GRIN2B: variants seen among roughly 807,000 people sequenced by gnomAD.
The protein encoded by GRIN2B is glutamate receptor ionotropic, NMDA 2B.
In GRIN2B, 5 loss-of-function variants were observed where a neutral mutation model predicts 114.5. The ratio of observed to expected loss-of-function variants is 0.04; its 90% CI spans 0.02 to 0.09. The LOEUF is 0.09. Ranked by LOEUF, GRIN2B falls within the 10% of genes least tolerant of loss-of-function variation. GRIN2B has a pLI of 1.00. For missense variants in GRIN2B, 1,108 were observed against 1,943.5 expected (o/e 0.57, Z 8.08); for synonymous variants, 787 against 745.1 (o/e 1.06, Z -0.92).
chr12:13,771,990 A>T (rs906795566), intron 3 of GRIN2B, among the ~76,000 whole-genome samples: 1 of 152,192 alleles, frequency 6.6e-6, no homozygotes, highest in Admixed American at 6.5e-5. Flanking sequence ...TTTTCCCATG[A>T]CTTTAGGTCA....
intron 2 of GRIN2B, among the ~76,000 whole-genome samples, chr12:13,901,062 C>T (rs1382891855): frequency 1.3e-5 from 2 of 152,106 alleles, no homozygotes; most frequent in Non-Finnish European, 2.9e-5. Context: ...TAACGCCAAA[C>T]AATTTTTTCA....
At chr12:13,872,663 G>A (rs1244913909) in intron 2 of GRIN2B, among the ~76,000 whole-genome samples, 4 of 152,006 alleles carry the variant, frequency 2.6e-5, no homozygotes, top group Non-Finnish European at 1.5e-5. Context: ...TTGACTAAGG[G>A]AAATATATAT....
At chr12:13,794,871 G>A (rs1565540010) in intron 3 of GRIN2B, among the ~76,000 whole-genome samples, 1 of 152,214 alleles carries the variant, frequency 6.6e-6, no homozygotes, top group Non-Finnish European at 1.5e-5. Context: ...ATTGTCCTGG[G>A]CATCGAAGCC....
In GRIN2B at chr12:13,549,491, C is replaced by T. The variant is rs1308728069; in HGVS notation, c.*13292G>A. ...GTTTGAACTTAATTAGACAGAGGTG[C>T]CCAGAAAAGGATGTAAGGGGCTCTC... On this transcript the variant is annotated 3_prime_UTR_variant, in exon 14 of 14. Transcript: ENST00000609686. The T allele has an allele frequency of 6.6e-6, 1 of 152,076 alleles. No individual in the cohort carries two copies. The highest frequency in any genetic ancestry group is 1.5e-5 in the Non-Finnish European group (1 of 68,030). 9.4% of individuals were successfully genotyped at this position (152,076 alleles called of 1,614,324 possible).
At chr12:13,635,818 G>A (rs1949661516) in intron 5 of GRIN2B, among the ~76,000 whole-genome samples, 1 of 152,154 alleles carries the variant, frequency 6.6e-6, no homozygotes, top group African/African-American at 2.4e-5. Context: ...CCTAAGCTTA[G>A]GCAGAAGTTG....
At chr12:13,607,326 T>A (rs1260248102) in intron 10 of GRIN2B, among the ~76,000 whole-genome samples, 10 of 52,606 alleles carry the variant, frequency 1.9e-4, no homozygotes, top group African/African-American at 8.1e-4. Flanking sequence ...ATAAAATATA[T>A]AATATATATT....
chr12:13,547,501 C>G lies in GRIN2B; in HGVS notation c.*15282G>C, dbSNP rs890951269. Reference sequence around the variant, plus strand: ...GATTCTACTCTTTTTTCATGAATTTCTGTATGATATTTAGCAATTAGAATG... The same window carrying G: ...GATTCTACTCTTTTTTCATGAATTTGTGTATGATATTTAGCAATTAGAATG... On this transcript the variant is annotated 3_prime_UTR_variant, in exon 14 of 14. Coordinates refer to ENST00000609686, the MANE Select transcript of GRIN2B (RefSeq NM_000834.5). 6.6e-6 allele frequency: 1 copy of G among 152,044 alleles called. No homozygotes were observed. The highest frequency in any genetic ancestry group is 1.5e-5 in the Non-Finnish European group (1 of 68,014). 9.4% of individuals were successfully genotyped at this position (152,044 alleles called of 1,614,324 possible). A position where few individuals can be genotyped will look rare whatever the true frequency, so the allele number is the denominator to read the frequency against.
chr12:13,605,382 A>C (rs1949226706), intron 10 of GRIN2B, among the ~76,000 whole-genome samples: 1 of 152,166 alleles, frequency 6.6e-6, no homozygotes, highest in South Asian at 2.1e-4. Context: ...CCTCCCGGGC[A>C]GATGCATAGA....
At chr12:13,683,181 T>C (rs1462488011) in intron 4 of GRIN2B, among the ~76,000 whole-genome samples, 1 of 152,096 alleles carries the variant, frequency 6.6e-6, no homozygotes, top group East Asian at 1.9e-4. Flanking sequence ...AGTAAGATAT[T>C]CTCATTCAAA....
At chr12:13,841,310 T>A (rs1047082684) in intron 3 of GRIN2B, among the ~76,000 whole-genome samples, 3 of 152,218 alleles carry the variant, frequency 2.0e-5, no homozygotes, top group Non-Finnish European at 4.4e-5. Context: ...CTCTTACCTC[T>A]GTACCACACT....
At chr12:13,671,870 T>C (rs1290762049) in intron 5 of GRIN2B, among the ~76,000 whole-genome samples, 1 of 152,112 alleles carries the variant, frequency 6.6e-6, no homozygotes, top group Non-Finnish European at 1.5e-5. Flanking sequence ...GAAGCATCCA[T>C]CCTGGTGTGA....
chr12:13,579,377 C>T (rs901633217), intron 10 of GRIN2B, among the ~76,000 whole-genome samples: 9 of 152,140 alleles, frequency 5.9e-5, no homozygotes, highest in Admixed American at 5.9e-4. Flanking sequence ...CCAGCTATGC[C>T]ACTTGATAGC....
intron 4 of GRIN2B, among the ~76,000 whole-genome samples, chr12:13,695,192 T>C (rs1950249458): frequency 6.6e-6 from 1 of 152,114 alleles, no homozygotes. Context: ...CTAACCATCA[T>C]ATAGAAAACA....
intron 8 of GRIN2B, among the ~76,000 whole-genome samples, chr12:13,614,514 T>A (rs1464042935): frequency 6.6e-6 from 1 of 152,006 alleles, no homozygotes; most frequent in Admixed American, 6.6e-5. Context: ...CAGTCTTATA[T>A]CACGTCTGAG....
intron 2 of GRIN2B, among the ~76,000 whole-genome samples, chr12:13,880,992 G>C (rs1306577439): frequency 1.4e-5 from 2 of 139,336 alleles, no homozygotes; most frequent in African/African-American, 5.3e-5. Context: ...AGGGGTATAA[G>C]GTTGTGTGTG....
intron 3 of GRIN2B, among the ~76,000 whole-genome samples, chr12:13,857,372 T>TACACACACACACAC (rs142914230): frequency 6.8e-6 from 1 of 147,584 alleles, no homozygotes; most frequent in African/African-American, 2.5e-5. Flanking sequence ...CACGCGTGCA[T>TACACACACACACAC]ACACACACAC....
chr12:13,892,302 G>A (rs1316370279), intron 2 of GRIN2B, among the ~76,000 whole-genome samples: 4 of 152,128 alleles, frequency 2.6e-5, no homozygotes, highest in African/African-American at 9.7e-5. Context: ...ATCTCCCAAT[G>A]GCCGAGTTCT....
chr12:13,910,806 G>A (rs1004059230), intron 2 of GRIN2B, among the ~76,000 whole-genome samples: 2 of 152,070 alleles, frequency 1.3e-5, no homozygotes, highest in Non-Finnish European at 2.9e-5. Context: ...ATCTTTCATA[G>A]ATTTTTACTT....
Position 13,554,547 on chromosome 12 carries a change from T to G in GRIN2B, c.*8236A>C, listed in dbSNP as rs1948455636. 6.6e-6 allele frequency: 1 copy of G among 152,110 alleles called. No individual in the cohort carries two copies. 9.4% of individuals were successfully genotyped at this position (152,110 alleles called of 1,614,324 possible). On this transcript the variant is annotated 3_prime_UTR_variant, in exon 14 of 14. Transcript: ENST00000609686. ...TTGTCTGGATTATGGGACACACACA[T>G]AGTCAAGTAACAAGAAATTATTGCT... is the stretch of plus-strand genomic sequence containing the variant.
Sources: gnomAD v4.1 joint callset for allele counts (sites outside exome capture counted in the v4.1 genomes callset) on GRCh38, gnomAD v4.1.1 for gene constraint, MANE v1.5 for transcripts, NCBI Gene and HGNC (gene_info 2026-07-23, HGNC 2026-07-21) for gene names.